Variants in SSU72 observed in about 807,000 individuals in gnomAD.
SSU72 encodes the protein RNA polymerase II subunit A C-terminal domain phosphatase SSU72.
A neutral mutation model predicts 22.7 loss-of-function variants in SSU72; 12 were observed. The observed-to-expected ratio is 0.53, with a 90% CI of 0.34 to 0.86. The LOEUF is 0.86. SSU72 is among the 40% of genes least tolerant of loss of function. The pLI, the probability that SSU72 is intolerant of heterozygous loss-of-function variation, is 0.02. For missense variants in SSU72, 151 were observed against 249.8 expected (o/e 0.60, Z 2.67); for synonymous variants, 116 against 98.3 (o/e 1.18, Z -1.06).
intron 2 of SSU72, among the ~76,000 whole-genome samples, chr1:1,557,344 C>T (rs1165953660): frequency 4.6e-5 from 7 of 151,836 alleles, no homozygotes; most frequent in African/African-American, 1.2e-4. Flanking sequence ...ACCTGGGAGG[C>T]GGAGGTTGCA....
At chr1:1,564,546 C>A in intron 2 of SSU72, 1 of 1,561,188 alleles carries the variant, frequency 6.4e-7, no homozygotes, top group Non-Finnish European at 8.7e-7. Context: ...CAGGGTGAAC[C>A]CCACACCGTG....
intron 2 of SSU72, chr1:1,563,296 G>C (rs1642618067): frequency 6.6e-6 from 1 of 152,122 alleles, no homozygotes; most frequent in Non-Finnish European, 1.5e-5. Flanking sequence ...CACTCTGAGA[G>C]GCCGAGGCAG....
At chr1:1,562,502 A>C (rs1642605907) in intron 2 of SSU72, 1 of 152,166 alleles carries the variant, frequency 6.6e-6, no homozygotes, top group South Asian at 2.1e-4. Context: ...CCTAAGACTC[A>C]GAGGTGAAGA....
chr1:1,542,607 G>A lies in SSU72; in HGVS notation c.484-440C>T, dbSNP rs186563009. 3.9e-5 allele frequency among the ~76,000 whole-genome samples: 6 copies of A among 152,128 alleles called. No individual in the cohort carries two copies. The highest frequency in any genetic ancestry group is 8.8e-5 in the Non-Finnish European group (6 of 68,028). On this transcript the variant is annotated intron_variant, in intron 4 of 4. Coordinates refer to ENST00000291386, the MANE Select transcript of SSU72 (RefSeq NM_014188.3). The surrounding 1 kb of genome is among the most constrained non-coding windows in gnomAD (Gnocchi z 4.4). Reference sequence around the variant, plus strand: ...CCTGGCAGAGGGCCGCTGCCCCAGAGTGAGCAGGCCCGGCTCCTAGGCACA... The same window carrying A: ...CCTGGCAGAGGGCCGCTGCCCCAGAATGAGCAGGCCCGGCTCCTAGGCACA...
chr1:1,551,978 A>T (rs906218504), intron 2 of SSU72, among the ~76,000 whole-genome samples: 19 of 152,164 alleles, frequency 1.2e-4, no homozygotes, highest in African/African-American at 4.6e-4. Flanking sequence ...CTTCCAATTC[A>T]GGGGATCCCC....
chr1:1,563,062 T>C (rs1480557756), intron 2 of SSU72: 1 of 152,408 alleles, frequency 6.6e-6, no homozygotes, highest in African/African-American at 2.4e-5. Context: ...CGCCTGGGAC[T>C]CTGCCCAGCG....
intron 1 of SSU72, among the ~76,000 whole-genome samples, chr1:1,566,487 A>C (rs762267655): frequency 4.6e-5 from 7 of 152,222 alleles, no homozygotes; most frequent in Non-Finnish European, 1.0e-4. Flanking sequence ...TCTTGTTCAG[A>C]AAAGTGCTGC....
chr1:1,545,162 G>A (rs1157610697), intron 2 of SSU72, 160 bp from the exon 3 acceptor site: 1 of 795,078 alleles, frequency 1.3e-6, no homozygotes. Context: ...TGAGGCAGGG[G>A]CCTCACTGTC....
chr1:1,562,369 T>C (rs970395925), intron 2 of SSU72: 2 of 152,260 alleles, frequency 1.3e-5, no homozygotes, highest in Non-Finnish European at 2.9e-5. Flanking sequence ...CAGAGTTTAA[T>C]GTGAATCATG....
chr1:1,564,640 C>T (rs763449147), intron 2 of SSU72, 133 bp downstream of exon 2: 5 of 1,613,830 alleles, frequency 3.1e-6, no homozygotes, highest in Non-Finnish European at 4.2e-6. Flanking sequence ...GAATAGAAAC[C>T]AAGCTCTCGC....
intron 2 of SSU72, chr1:1,546,156 T>C (rs992208548): frequency 2.6e-5 from 4 of 152,260 alleles, no homozygotes; most frequent in Non-Finnish European, 5.9e-5. Flanking sequence ...AGGAGCTCAT[T>C]TGAGCCATTC....
At position 1,573,982 on chromosome 1, in the gene SSU72, C is replaced by T. The variant is rs116431778; in HGVS notation, c.80+496G>A. Among the ~76,000 whole-genome samples, 614 of 150,594 alleles carry T rather than the reference C, an allele frequency of 4.1e-3. 5 individuals are homozygous for T. Among genetic ancestry groups the T allele is most frequent in the Middle Eastern group, 0.017 (5 of 294 alleles). ...GTCCACGTTGTATTCCAGAAACTAC[C>T]GGTTGGAGGCGTTCCAGGGAGGAAG... On this transcript the variant is annotated intron_variant, in intron 1 of 4. Coordinates refer to ENST00000291386, the MANE Select transcript of SSU72 (RefSeq NM_014188.3).
intron 2 of SSU72, chr1:1,564,158 C>T (rs1642629659): frequency 5.5e-6 from 1 of 180,582 alleles, no homozygotes; most frequent in South Asian, 1.7e-4. Context: ...TTGTCATAAC[C>T]ATTATGCAAC....
chr1:1,568,443 A>T (rs542119551), intron 1 of SSU72, among the ~76,000 whole-genome samples: 42 of 151,842 alleles, frequency 2.8e-4, no homozygotes, highest in African/African-American at 9.4e-4. Context: ...AAAAAAAAAT[A>T]AAAAAATAAA....
At position 1,554,428 on chromosome 1, in the gene SSU72, C is replaced by T. The variant is rs1176773748; in HGVS notation, c.225-9426G>A. 6.6e-6 allele frequency among the ~76,000 whole-genome samples: 1 copy of T among 152,220 alleles called. No homozygotes were observed. Among genetic ancestry groups the T allele is most frequent in the African/African-American group, 2.4e-5 (1 of 41,452 alleles). On this transcript the variant is annotated intron_variant, in intron 2 of 4. Transcript: ENST00000291386. This position sits in a 1 kb window ranked among gnomAD's most constrained non-coding sequence, Gnocchi z 4.1. ...CACGAGCCCTCGCTGACCACCCACA[C>T]CCATTTGATGTGGTTGCTCTCAGGA...
rs375006468 is a variant in SSU72, at chr1:1,574,543, C to T, written c.15G>A (p.Pro5=). The change falls in exon 1 of 5, where the codon CCG becomes CCA. Residue 5 remains proline (P), a synonymous_variant. Coordinates refer to ENST00000291386, the MANE Select transcript of SSU72 (RefSeq NM_014188.3). ...TCGAGCACACCACCGCCACCCGCAG[C>T]GGGGACGACGGCATGGCGGCGGCCG... The part of the protein sequence containing the change: MPSS[P]LRVAVVCSSN... 1.3e-6 allele frequency: 2 copies of T among 1,588,820 alleles called. No individual in the cohort carries two copies. The highest frequency in any genetic ancestry group is 1.7e-5 in the Admixed American group (1 of 57,844).
In SSU72 at chr1:1,554,990, C is replaced by T. The variant is rs1296346362; in HGVS notation, c.224+9783G>A. On this transcript the variant is annotated intron_variant, in intron 2 of 4. Coordinates refer to ENST00000291386, the MANE Select transcript of SSU72 (RefSeq NM_014188.3). The surrounding 1 kb of genome is among the most constrained non-coding windows in gnomAD (Gnocchi z 4.1). Reference sequence around the variant, plus strand: ...CTTGGTCCTTCCCCGGAAGGCCACACCATCTTCCCTGCACGTATGACTCAT... The same window carrying T: ...CTTGGTCCTTCCCCGGAAGGCCACATCATCTTCCCTGCACGTATGACTCAT... Among the ~76,000 whole-genome samples the T allele has an allele frequency of 6.6e-6, 1 of 152,222 alleles. No homozygotes were observed. Among genetic ancestry groups the T allele is most frequent in the Non-Finnish European group, 1.5e-5 (1 of 68,036 alleles).
intron 2 of SSU72, among the ~76,000 whole-genome samples, chr1:1,558,740 A>C (rs1471716459): frequency 6.6e-6 from 1 of 152,140 alleles, no homozygotes; most frequent in Admixed American, 6.5e-5. Context: ...GGAACTGTCC[A>C]GGCCGGTGTC....
chr1:1,556,760 T>A lies in SSU72; in HGVS notation c.224+8013A>T, dbSNP rs140683388. ...CTTGCGACTGCAGGCACCGTGAAAC[T>A]ACTTTGCAAAAGCATCTCACCTGCT... On this transcript the variant is annotated intron_variant, in intron 2 of 4. Transcript: ENST00000291386. Among the ~76,000 whole-genome samples, 3 of 152,302 alleles carry A rather than the reference T, an allele frequency of 2.0e-5. No individual in the cohort carries two copies. The East Asian group carries it at 5.8e-4, about 29-fold the overall frequency.
Sources: gnomAD v4.1 joint callset for allele counts (sites outside exome capture counted in the v4.1 genomes callset) on GRCh38, gnomAD v4.1.1 for gene constraint, Gnocchi (gnomAD v3.1) non-coding constraint, MANE v1.5 for transcripts, NCBI Gene and HGNC (gene_info 2026-07-23, HGNC 2026-07-21) for gene names.